The following SCLT1 variants were observed in gnomAD, a reference collection of about 807,000 sequenced individuals.
The protein encoded by SCLT1 is sodium channel-associated protein 1.
Under a neutral mutation model 112.8 loss-of-function variants are expected in SCLT1, and 78 were observed. That is an observed-to-expected ratio of 0.69 (90% CI 0.58 to 0.83). The LOEUF (loss-of-function observed/expected upper bound fraction) is 0.83. Ranked by LOEUF, SCLT1 falls within the 40% of genes least tolerant of loss-of-function variation. The pLI is 0.00. For missense variants in SCLT1, 747 were observed against 770.4 expected (o/e 0.97, Z 0.36); for synonymous variants, 257 against 254.7 (o/e 1.01, Z -0.09).
At chr4:129,043,584 A>C in intron 3 of SCLT1, 117 bp from the exon 4 acceptor site, 1 of 577,404 alleles carries the variant, frequency 1.7e-6, no homozygotes. Flanking sequence ...TGCAATAAAA[A>C]CTTTTCCCTT....
At chr4:129,015,993 TTAAAA>T (rs1316718779) in intron 5 of SCLT1, among the ~76,000 whole-genome samples, 1 of 152,184 alleles carries the variant, frequency 6.6e-6, no homozygotes, top group Non-Finnish European at 1.5e-5. Context: ...TGATATTCAG[TTAAAA>T]TATTTCTTCT....
intron 3 of SCLT1, among the ~76,000 whole-genome samples, 169 bp downstream of exon 3, chr4:129,043,824 G>A (rs568960515): frequency 8.5e-5 from 13 of 152,254 alleles, no homozygotes; most frequent in African/African-American, 2.9e-4. Flanking sequence ...GCTCCTGTCT[G>A]AGAACTAATT....
intron 5 of SCLT1, among the ~76,000 whole-genome samples, chr4:129,018,749 A>T (rs570341514): frequency 1.3e-4 from 20 of 152,296 alleles, no homozygotes; most frequent in African/African-American, 4.3e-4. Context: ...AAATATTTTT[A>T]AAGTATGTAT....
At chr4:128,969,915 A>T (rs1437729058) in intron 10 of SCLT1, among the ~76,000 whole-genome samples, 1 of 152,240 alleles carries the variant, frequency 6.6e-6, no homozygotes, top group Non-Finnish European at 1.5e-5. Flanking sequence ...AATAAGTCCC[A>T]GAGTGAGAAT....
rs571386806 is a variant in SCLT1, at chr4:129,005,877, G to A, written c.291-2001C>T. On this transcript the variant is annotated intron_variant, in intron 5 of 20. Coordinates refer to ENST00000281142, the MANE Select transcript of SCLT1 (RefSeq NM_144643.4). ...TCATGTCCTTTGTAGGGACATGGAT[G>A]AAATTGGAAATCATCACTCTCAGTA... Among the ~76,000 whole-genome samples, 63 of 151,488 alleles carry A rather than the reference G, an allele frequency of 4.2e-4. 1 individual carries two copies. In the East Asian group the frequency reaches 9.2e-3, roughly 22 times the overall value.
intron 2 of SCLT1, among the ~76,000 whole-genome samples, chr4:129,065,923 A>G (rs1255891700): frequency 6.6e-6 from 1 of 152,070 alleles, no homozygotes; most frequent in Non-Finnish European, 1.5e-5. Context: ...GTAACCAGAC[A>G]CTGAACAAGC....
chr4:128,880,758 T>C (rs1012883443), downstream of SCLT1, among the ~76,000 whole-genome samples: 5 of 152,190 alleles, frequency 3.3e-5, no homozygotes, highest in Admixed American at 3.3e-4. Flanking sequence ...AAAAATATTA[T>C]ATATGTACAT....
intron 5 of SCLT1, among the ~76,000 whole-genome samples, chr4:129,033,924 T>C (rs184568560): frequency 9.8e-5 from 15 of 152,304 alleles, no homozygotes; most frequent in Admixed American, 3.9e-4. Context: ...AATAGATATT[T>C]AAAACTTCAT....
intron 2 of SCLT1, among the ~76,000 whole-genome samples, chr4:129,044,823 T>A (rs1427088854): frequency 2.0e-5 from 2 of 102,416 alleles, no homozygotes; most frequent in Non-Finnish European, 2.0e-5. Flanking sequence ...CAAGATAATC[T>A]CACCAAAAAA....
chr4:128,995,933 T>C (rs1742980506), intron 8 of SCLT1, among the ~76,000 whole-genome samples: 1 of 151,994 alleles, frequency 6.6e-6, no homozygotes, highest in Admixed American at 6.6e-5. Context: ...CAACTATCAG[T>C]CCAAACCAAT....
intron 17 of SCLT1, among the ~76,000 whole-genome samples, chr4:128,937,787 A>AGCAT (rs1305011855): frequency 1.3e-5 from 2 of 152,212 alleles, no homozygotes; most frequent in African/African-American, 4.8e-5. Context: ...CTTTAATTGC[A>AGCAT]GCATGAACTT....
intron 9 of SCLT1, among the ~76,000 whole-genome samples, chr4:128,976,641 C>T (rs1250943865): frequency 6.6e-6 from 1 of 152,004 alleles, no homozygotes. Context: ...TGAGGAGGGC[C>T]ACAAAGCAAG....
chr4:129,020,988 G>A (rs184436158), intron 5 of SCLT1, among the ~76,000 whole-genome samples: 7 of 152,214 alleles, frequency 4.6e-5, no homozygotes, highest in Admixed American at 2.6e-4. Flanking sequence ...GAACAGCTCC[G>A]GTCTGCAGCT....
intron 10 of SCLT1, among the ~76,000 whole-genome samples, chr4:128,966,652 A>G (rs1411487326): frequency 6.6e-6 from 1 of 152,186 alleles, no homozygotes; most frequent in Non-Finnish European, 1.5e-5. Flanking sequence ...ATTTCCATTT[A>G]GCCTAAAGAA....
At chr4:129,021,117 G>T (rs919615501) in intron 5 of SCLT1, among the ~76,000 whole-genome samples, 1 of 152,274 alleles carries the variant, frequency 6.6e-6, no homozygotes, top group Admixed American at 6.5e-5. Flanking sequence ...ACAGAAGTAG[G>T]GTGGGGTGTC....
At chr4:128,981,478 T>C (rs561259097) in intron 9 of SCLT1, among the ~76,000 whole-genome samples, 41 of 152,272 alleles carry the variant, frequency 2.7e-4, no homozygotes, top group African/African-American at 9.6e-4. Flanking sequence ...AATTGTCCTT[T>C]TAAGATGTCT....
intron 6 of SCLT1, among the ~76,000 whole-genome samples, chr4:129,002,474 T>C (rs1354328805): frequency 6.6e-6 from 1 of 151,940 alleles, no homozygotes; most frequent in Admixed American, 6.6e-5. Flanking sequence ...CTGAAAACAA[T>C]ATCAGAAAAA....
intron 2 of SCLT1, among the ~76,000 whole-genome samples, chr4:129,065,655 C>G (rs538142488): frequency 3.4e-4 from 52 of 151,908 alleles, no homozygotes; most frequent in African/African-American, 1.1e-3. Context: ...TTGCTAAACT[C>G]TAAATTACAA....
At chr4:128,931,973 C>T (rs994590414) in intron 18 of SCLT1, among the ~76,000 whole-genome samples, 1 of 151,434 alleles carries the variant, frequency 6.6e-6, no homozygotes, top group African/African-American at 2.4e-5. Context: ...ACAATTATAG[C>T]CCATCTGGTT....
Sources: gnomAD v4.1 joint callset for allele counts (sites outside exome capture counted in the v4.1 genomes callset) on GRCh38, gnomAD v4.1.1 for gene constraint, MANE v1.5 for transcripts, NCBI Gene and HGNC (gene_info 2026-07-23, HGNC 2026-07-21) for gene names.